Variants in NRXN1 observed in about 807,000 individuals in gnomAD.
The protein encoded by NRXN1 is neurexin 1, also known as neurexin-1.
A neutral mutation model predicts 150.9 loss-of-function variants in NRXN1; 39 were observed. The observed-to-expected ratio is 0.26, with a 90% CI of 0.20 to 0.34. NRXN1 has a LOEUF of 0.34. Ranked by LOEUF, NRXN1 falls within the 10% of genes least tolerant of loss-of-function variation. The pLI is 1.00. For synonymous variants in NRXN1, 924 were observed against 757.0 expected, an observed-to-expected ratio of 1.22 and a Z score of -3.62; for missense variants, 1,815 against 1,949.9, an observed-to-expected ratio of 0.93 and a Z score of 1.30.
chr2:50,821,294 T>C (rs554825110), intron 5 of NRXN1, among the ~76,000 whole-genome samples: 34 of 152,272 alleles, frequency 2.2e-4, no homozygotes, highest in African/African-American at 7.7e-4. Flanking sequence ...TTTGCAACAT[T>C]TTTTAAGCTC....
At chr2:50,675,571 G>GACATATTC (rs1180022188) in intron 5 of NRXN1, among the ~76,000 whole-genome samples, 2 of 152,192 alleles carry the variant, frequency 1.3e-5, no homozygotes, top group African/African-American at 4.8e-5. Context: ...TTCCTTTTGG[G>GACATATTC]ACAACAGTGA....
At position 50,189,068 on chromosome 2, in the gene NRXN1, G is replaced by C. The variant is rs547913361; in HGVS notation, c.3546+47721C>G. Among the ~76,000 whole-genome samples, 11 of 152,234 alleles carry C rather than the reference G, an allele frequency of 7.2e-5. No homozygotes were observed. In the South Asian group the frequency reaches 2.3e-3, roughly 32 times the overall value. On this transcript the variant is annotated intron_variant, in intron 18 of 22. Coordinates refer to ENST00000401669, the MANE Select transcript of NRXN1 (RefSeq NM_001330078.2). ...TTCTACTATAAAGACACATGCACAC[G>C]TATGTTTATTGCAGCACTGTTCACA...
chr2:50,651,532 A>G (rs1049278062), intron 5 of NRXN1, among the ~76,000 whole-genome samples: 1 of 151,640 alleles, frequency 6.6e-6, no homozygotes, highest in South Asian at 2.1e-4. Context: ...AACATAACAT[A>G]ACATAAAATA....
chr2:50,975,571 G>C (rs1299424384), intron 2 of NRXN1, among the ~76,000 whole-genome samples: 1 of 152,020 alleles, frequency 6.6e-6, no homozygotes, highest in East Asian at 1.9e-4. Context: ...GTTCACCTCT[G>C]CCTTTGAGTC....
At chr2:50,532,026 C>A (rs894467574) in intron 10 of NRXN1, among the ~76,000 whole-genome samples, 1 of 151,962 alleles carries the variant, frequency 6.6e-6, no homozygotes, top group African/African-American at 2.4e-5. Context: ...ATTATTAATA[C>A]TTTTTTCTAG....
intron 5 of NRXN1, among the ~76,000 whole-genome samples, chr2:50,712,105 T>C (rs1019251016): frequency 6.6e-6 from 1 of 152,122 alleles, no homozygotes; most frequent in Non-Finnish European, 1.5e-5. Context: ...TCTAGACACA[T>C]GCTAAGTGCT....
chr2:50,866,388 T>G (rs528407501), intron 5 of NRXN1, among the ~76,000 whole-genome samples: 1 of 151,934 alleles, frequency 6.6e-6, no homozygotes, highest in Non-Finnish European at 1.5e-5. Flanking sequence ...TTAAATTGAT[T>G]AATTGTTATT....
chr2:50,466,383 T>A, intron 16 of NRXN1: 2 of 426,920 alleles, frequency 4.7e-6, no homozygotes, highest in South Asian at 1.8e-5. Flanking sequence ...ACTGCAGAAA[T>A]GTAAAATATG....
intron 17 of NRXN1, among the ~76,000 whole-genome samples, chr2:50,398,977 G>A (rs972762614): frequency 6.6e-6 from 1 of 152,234 alleles, no homozygotes. Flanking sequence ...CCACTCAGTT[G>A]GAATAAATTA....
At chr2:50,252,907 T>C (rs1410070505) in intron 17 of NRXN1, among the ~76,000 whole-genome samples, 3 of 152,300 alleles carry the variant, frequency 2.0e-5, no homozygotes, top group South Asian at 4.1e-4. Flanking sequence ...CTTTTTTGGT[T>C]CCATATGAAT....
intron 2 of NRXN1, among the ~76,000 whole-genome samples, chr2:50,985,051 A>T (rs1697473769): frequency 6.6e-6 from 1 of 152,040 alleles, no homozygotes; most frequent in African/African-American, 2.4e-5. Flanking sequence ...TATACTTTTT[A>T]AGATCCAGAA....
intron 17 of NRXN1, among the ~76,000 whole-genome samples, chr2:50,463,482 A>G (rs927512750): frequency 6.6e-6 from 1 of 151,796 alleles, no homozygotes; most frequent in Non-Finnish European, 1.5e-5. Flanking sequence ...AGTAATTTTA[A>G]TGCTGATTTG....
At chr2:50,802,670 A>G (rs1655464509) in intron 5 of NRXN1, among the ~76,000 whole-genome samples, 1 of 151,998 alleles carries the variant, frequency 6.6e-6, no homozygotes, top group Non-Finnish European at 1.5e-5. Flanking sequence ...AGAAAATAGA[A>G]AATAGGGTCT....
intron 13 of NRXN1, among the ~76,000 whole-genome samples, chr2:50,501,304 G>A (rs989863178): frequency 6.6e-6 from 1 of 151,894 alleles, no homozygotes; most frequent in African/African-American, 2.4e-5. Flanking sequence ...GAGCGGGAGC[G>A]CCAGGGTCCA....
At chr2:50,312,889 A>G (rs10203511) in intron 17 of NRXN1, 106,497 of 446,328 alleles carry the variant, frequency 0.24, 15,770 homozygotes, top group East Asian at 0.54. Flanking sequence ...TGAGCACTAC[A>G]TAAGCAACTT....
chr2:50,933,911 TAAG>T (rs1574972558), intron 2 of NRXN1, among the ~76,000 whole-genome samples: 1 of 152,188 alleles, frequency 6.6e-6, no homozygotes, highest in Admixed American at 6.5e-5. Flanking sequence ...AAATGTATAA[TAAG>T]AAGACGGTAT....
At chr2:50,737,087 A>C (rs1299406919) in intron 5 of NRXN1, among the ~76,000 whole-genome samples, 6 of 151,900 alleles carry the variant, frequency 3.9e-5, no homozygotes, top group Non-Finnish European at 7.4e-5. Context: ...ATGAAACCCC[A>C]TCCCTACTAA....
At chr2:50,850,944 A>C (rs2105975797) in intron 5 of NRXN1, among the ~76,000 whole-genome samples, 1 of 152,276 alleles carries the variant, frequency 6.6e-6, no homozygotes, top group South Asian at 2.1e-4. Context: ...TAAAGTGTTC[A>C]TTGTTATTTT....
chr2:50,150,087 G>T (rs1344047072), intron 18 of NRXN1, among the ~76,000 whole-genome samples: 1 of 151,646 alleles, frequency 6.6e-6, no homozygotes, highest in African/African-American at 2.4e-5. Flanking sequence ...TGGGGAAATA[G>T]ATAATTCTCC....
Sources: gnomAD v4.1 joint callset for allele counts (sites outside exome capture counted in the v4.1 genomes callset) on GRCh38, gnomAD v4.1.1 for gene constraint, MANE v1.5 for transcripts, NCBI Gene and HGNC (gene_info 2026-07-23, HGNC 2026-07-21) for gene names.